Variants in DCP2 observed in about 807,000 individuals in gnomAD.
DCP2 encodes the protein m7GpppN-mRNA hydrolase.
DCP2 carries 30 observed loss-of-function variants against 56.1 expected under a neutral mutation model. That is an observed-to-expected ratio of 0.53 (90% CI 0.40 to 0.73). DCP2 has a LOEUF of 0.73. Ranked by LOEUF, DCP2 falls within the 30% of genes least tolerant of loss-of-function variation. The pLI is 0.00. For synonymous variants in DCP2, 197 were observed against 163.3 expected (o/e 1.21, Z -1.57); for missense variants, 533 against 502.7 (o/e 1.06, Z -0.58).
rs150155166 is a variant in DCP2, at chr5:112,983,571, A to G, written c.54-2264A>G. Among the ~76,000 whole-genome samples, 19 of 152,312 alleles carry G rather than the reference A, an allele frequency of 1.2e-4. No homozygotes were observed. In the East Asian group the frequency reaches 1.9e-3, roughly 15 times the overall value. On this transcript the variant is annotated intron_variant, in intron 1 of 10. Coordinates refer to ENST00000389063, the MANE Select transcript of DCP2 (RefSeq NM_152624.6). Reference sequence around the variant, plus strand: ...GGATTGACTTACGAGACCTTTCAGCACTGAAGGATATGAGTTTCCAAGTAT... The same window carrying G: ...GGATTGACTTACGAGACCTTTCAGCGCTGAAGGATATGAGTTTCCAAGTAT...
At chr5:112,999,440 T>C (rs1204855325) in intron 4 of DCP2, among the ~76,000 whole-genome samples, 1 of 152,012 alleles carries the variant, frequency 6.6e-6, no homozygotes, top group Non-Finnish European at 1.5e-5. Flanking sequence ...GTGATTCTCC[T>C]GTCTCAGCCT....
chr5:112,997,957 C>T (rs1748944280), intron 4 of DCP2, among the ~76,000 whole-genome samples: 1 of 152,066 alleles, frequency 6.6e-6, no homozygotes, highest in African/African-American at 2.4e-5. Context: ...GGATTTTTAT[C>T]TGCTAACATT....
At chr5:113,011,582 A>G (rs923725856) in intron 10 of DCP2, among the ~76,000 whole-genome samples, 5 of 152,214 alleles carry the variant, frequency 3.3e-5, no homozygotes, top group African/African-American at 7.2e-5. Context: ...AAGCATTATC[A>G]TATTCTTTTT....
intron 1 of DCP2, among the ~76,000 whole-genome samples, chr5:112,977,482 C>G (rs1747772396): frequency 6.6e-6 from 1 of 152,180 alleles, no homozygotes; most frequent in Non-Finnish European, 1.5e-5. Flanking sequence ...CTTATTCTGA[C>G]GCCTGCGTGT....
chr5:112,980,156 G>A (rs33552), intron 1 of DCP2, among the ~76,000 whole-genome samples: 79,152 of 152,094 alleles, frequency 0.52, 21,397 homozygotes, highest in African/African-American at 0.67. Context: ...GAGTTTTTCA[G>A]TACTGTTTAA....
intron 4 of DCP2, 125 bp downstream of exon 4, chr5:112,992,895 AACTT>A (rs1188522458): frequency 1.0e-5 from 5 of 477,866 alleles, no homozygotes; most frequent in South Asian, 6.1e-5. Flanking sequence ...TGCATGAAGT[AACTT>A]ACTTTTTTTT....
chr5:113,003,511 G>A lies in DCP2; in HGVS notation c.807-431G>A, dbSNP rs187933063. On this transcript the variant is annotated intron_variant, in intron 7 of 10. Coordinates refer to ENST00000389063, the MANE Select transcript of DCP2 (RefSeq NM_152624.6). ...GGATGGCTCGAGCCTGAGAGGTTGA[G>A]GCCACGGTGAGCTGTGATCCTGCCA... 1.4e-3 allele frequency among the ~76,000 whole-genome samples: 213 copies of A among 152,218 alleles called. 3 individuals are homozygous for A. The highest frequency in any genetic ancestry group is 4.6e-4 in the Non-Finnish European group (31 of 68,024).
At chr5:112,987,434 G>A (rs908761018) in intron 2 of DCP2, among the ~76,000 whole-genome samples, 1 of 151,976 alleles carries the variant, frequency 6.6e-6, no homozygotes, top group African/African-American at 2.4e-5. Context: ...TTGAGCTAAA[G>A]CACTTTGATT....
In DCP2 at chr5:113,021,519, G is replaced by A. The variant is rs1216700697; in HGVS notation, c.*8035G>A. ...TAGGGCTTGAGATGTGAATTCATTA[G>A]ATATTTAAAATCCAGCAATTCTTAA... On this transcript the variant is annotated 3_prime_UTR_variant, in exon 11 of 11. Transcript: ENST00000389063. Among the ~76,000 whole-genome samples the A allele has an allele frequency of 6.6e-6, 1 of 151,920 alleles. No individual in the cohort carries two copies. Among genetic ancestry groups the A allele is most frequent in the African/African-American group, 2.4e-5 (1 of 41,372 alleles).
At position 112,992,112 on chromosome 5, in the gene DCP2, T is replaced by A; in HGVS notation, c.206-9T>A. The A allele has an allele frequency of 3.1e-6, 5 of 1,613,126 alleles. No homozygotes were observed. The highest frequency in any genetic ancestry group is 4.2e-6 in the Non-Finnish European group (5 of 1,179,784). Reference sequence around the variant, plus strand: ...AAGGAGAAAGTAACTTCCTTGACACTATTTATACTCTTCAGTCATTGTCCG... The same window carrying A: ...AAGGAGAAAGTAACTTCCTTGACACAATTTATACTCTTCAGTCATTGTCCG... On this transcript the variant is annotated splice_polypyrimidine_tract_variant and intron_variant, in intron 2 of 10. Coordinates refer to ENST00000389063, the MANE Select transcript of DCP2 (RefSeq NM_152624.6).
Position 113,004,808 on chromosome 5 carries a change from C to CT in DCP2, c.942+746dup, listed in dbSNP as rs949743789. ...TTTTTAATTTCAGGTTTCAATGTTA[C>CT]TTTTTTTTTTTTTTTATTTTAAAAA... On this transcript the variant is annotated intron_variant, in intron 8 of 10. Transcript: ENST00000389063. 4.4e-3 allele frequency among the ~76,000 whole-genome samples: 638 copies of CT among 145,100 alleles called. 2 individuals are homozygous for CT. The highest frequency in any genetic ancestry group is 0.015 in the African/African-American group (571 of 39,140).
chr5:112,979,568 T>G (rs1321279381), intron 1 of DCP2, among the ~76,000 whole-genome samples: 1 of 152,170 alleles, frequency 6.6e-6, no homozygotes, highest in Non-Finnish European at 1.5e-5. Flanking sequence ...TTATTATTAG[T>G]GTATATAGGA....
At chr5:112,980,391 C>T (rs568009273) in intron 1 of DCP2, among the ~76,000 whole-genome samples, 56 of 152,236 alleles carry the variant, frequency 3.7e-4, no homozygotes, top group African/African-American at 1.3e-3. Context: ...TTCAGCTAGC[C>T]GTGTTAGTGT....
chr5:112,987,773 C>T (rs911999721), intron 2 of DCP2, among the ~76,000 whole-genome samples: 2 of 151,874 alleles, frequency 1.3e-5, no homozygotes, highest in East Asian at 1.9e-4. Flanking sequence ...TGTGCCCAAA[C>T]TGATTTTTAT....
intron 1 of DCP2, among the ~76,000 whole-genome samples, chr5:112,981,711 G>GT (rs552722651): frequency 1.6e-4 from 24 of 152,232 alleles, no homozygotes; most frequent in Admixed American, 5.2e-4. Context: ...GTACCATTTA[G>GT]TTTTTTCTTT....
In DCP2 at chr5:113,019,312, G is replaced by A. The variant is rs1264190277; in HGVS notation, c.*5828G>A. ...TCTTCAGCAGTTGGTTGATTAGATG[G>A]GTTAGTGCTTTTGGAATATATAACA... is the stretch of plus-strand genomic sequence containing the variant. On this transcript the variant is annotated 3_prime_UTR_variant, in exon 11 of 11. Coordinates refer to ENST00000389063, the MANE Select transcript of DCP2 (RefSeq NM_152624.6). 6.6e-6 allele frequency: 1 copy of A among 152,144 alleles called. No individual in the cohort carries two copies. Among genetic ancestry groups the A allele is most frequent in the African/African-American group, 2.4e-5 (1 of 41,424 alleles). 9.4% of individuals were successfully genotyped at this position (152,144 alleles called of 1,614,324 possible).
Position 112,982,651 on chromosome 5 carries a change from G to GT in DCP2, c.54-3176dup, listed in dbSNP as rs199548423. On this transcript the variant is annotated intron_variant, in intron 1 of 10. Coordinates refer to ENST00000389063, the MANE Select transcript of DCP2 (RefSeq NM_152624.6). ...GCTTCCGTTGGTTATAGTAATAATA[G>GT]TTTTTTTTCCCCCCGAGGGCTCTTA... Among the ~76,000 whole-genome samples the GT allele has an allele frequency of 1.1e-4, 16 of 151,934 alleles. 1 individual carries two copies. The highest frequency in any genetic ancestry group is 1.9e-4 in the East Asian group (1 of 5,200).
chr5:112,985,446 G>T (rs1330045677), intron 1 of DCP2, among the ~76,000 whole-genome samples: 1 of 152,174 alleles, frequency 6.6e-6, no homozygotes, highest in African/African-American at 2.4e-5. Context: ...GTAATATTTT[G>T]TATGTGAAGA....
intron 2 of DCP2, among the ~76,000 whole-genome samples, chr5:112,991,658 C>T (rs1037366666): frequency 6.6e-6 from 1 of 152,146 alleles, no homozygotes; most frequent in African/African-American, 2.4e-5. Context: ...GTTTCTTTCT[C>T]TTAGCAATAT....
Sources: allele counts gnomAD v4.1 joint callset (sites outside exome capture counted in the v4.1 genomes callset), GRCh38; gene constraint gnomAD v4.1.1; transcripts MANE v1.5; gene names NCBI Gene and HGNC (gene_info 2026-07-23, HGNC 2026-07-21).